Variants in CTCFL observed in about 807,000 individuals in gnomAD.
CTCFL encodes the protein CCCTC-binding factor like.
CTCFL carries 36 observed loss-of-function variants against 67.4 expected under a neutral mutation model. The ratio of observed to expected loss-of-function variants is 0.53; its 90% confidence interval spans 0.41 to 0.71. The LOEUF (loss-of-function observed/expected upper bound fraction) is 0.71, where lower values mean the gene tolerates loss of function less well. Ranked by LOEUF, CTCFL falls within the 30% of genes least tolerant of loss-of-function variation. The pLI, the probability that CTCFL is intolerant of heterozygous loss-of-function variation, is 0.00. For missense variants in CTCFL, 786 were observed against 835.2 expected (o/e 0.94, Z 0.73); for synonymous variants, 324 against 302.3 (o/e 1.07, Z -0.75).
At position 57,524,221 on chromosome 20, in the gene CTCFL, T is replaced by A. The variant is rs1481040696; in HGVS notation, c.-11-5A>T. ...TGGCTGCCATAATGACTTGGCCTGTTTGAAAAATAAGCAAGCGGTTTCCAT... is the reference window on the plus strand; with the variant it reads ...TGGCTGCCATAATGACTTGGCCTGTATGAAAAATAAGCAAGCGGTTTCCAT... On this transcript the variant is annotated splice_polypyrimidine_tract_variant and splice_region_variant and intron_variant, in intron 1 of 10. Coordinates refer to ENST00000243914, the MANE Select transcript of CTCFL (RefSeq NM_001386993.1). 2.1e-5 allele frequency: 34 copies of A among 1,603,044 alleles called. No homozygotes were observed. Among genetic ancestry groups the A allele is most frequent in the Non-Finnish European group, 2.9e-5 (34 of 1,175,386 alleles).
intron 5 of CTCFL, among the ~76,000 whole-genome samples, chr20:57,517,267 A>ACCAACAAAAAGTCCACTCCAGGCTTAGG (rs1284520304): frequency 6.6e-6 from 1 of 151,920 alleles, no homozygotes; most frequent in Admixed American, 6.6e-5. Flanking sequence ...ATGGGAGGAC[A>ACCAACAAAAAGTCCACTCCAGGCTTAGG]ATGGGAGTTC....
chr20:57,519,102 T>C (rs1232872431), intron 4 of CTCFL, 105 bp downstream of exon 4: 9 of 1,306,824 alleles, frequency 6.9e-6, no homozygotes, highest in African/African-American at 3.0e-5. Context: ...AAAACTAAAG[T>C]ATAAAATGTT....
At position 57,524,100 on chromosome 20, in the gene CTCFL, A is replaced by C. The variant is rs748979103; in HGVS notation, c.106T>G (p.Cys36Gly). 6.2e-7 allele frequency: 1 copy of C among 1,613,654 alleles called. No homozygotes were observed. The highest frequency in any genetic ancestry group is 1.7e-5 in the Admixed American group (1 of 60,014). Reference protein sequence around the residue: ...GLKEEEKDGVCREKDHRSPSE... With the variant: ...GLKEEEKDGVGREKDHRSPSE... ...GGGCTCCGATGGTCTTTCTCTCTGC[A>C]CACTCCGTCTTTTTCCTCCTCCTTC... is the stretch of plus-strand genomic sequence containing the variant. The change falls in exon 2 of 11, where the codon TGC becomes GGC. Residue 36 changes from cysteine (C) to glycine (G), a missense_variant. Cys to Gly is a radical substitution (Grantham distance 159, BLOSUM62 -3). Transcript: ENST00000243914.
chr20:57,516,849 C>A (rs137990247), intron 5 of CTCFL, among the ~76,000 whole-genome samples: 285 of 152,364 alleles, frequency 1.9e-3, no homozygotes, highest in African/African-American at 6.6e-3. Context: ...TCGTTGATTG[C>A]CTTCTAGAAC....
At chr20:57,524,470 C>CT (rs2069695598) in intron 1 of CTCFL, 1 of 1,298,518 alleles carries the variant, frequency 7.7e-7, no homozygotes. Flanking sequence ...CCTCAGCAGG[C>CT]TTAGGGCCAG....
chr20:57,512,813 C>T (rs2068651559), intron 7 of CTCFL, 61 bp from the exon 8 acceptor site: 2 of 1,534,660 alleles, frequency 1.3e-6, no homozygotes, highest in Admixed American at 3.5e-5. Context: ...GCCTGCTTCC[C>T]CTCTCCTCTA....
chr20:57,513,128 C>T (rs1250593884), intron 7 of CTCFL: 2 of 416,570 alleles, frequency 4.8e-6, no homozygotes, highest in African/African-American at 4.3e-5. Flanking sequence ...CACACTGGAC[C>T]TAAAATGTTC....
Position 57,519,198 on chromosome 20 carries a change from C to G in CTCFL, c.925+9G>C. 12 of 1,612,734 alleles carry G rather than the reference C, an allele frequency of 7.4e-6. No homozygotes were observed. The highest frequency in any genetic ancestry group is 1.0e-5 in the Non-Finnish European group (12 of 1,178,996). ...CATTCCAGAGAAACAGCCTTCCCGGCAGTTTTACCTGTGTGGGTGTTAACA... is the reference window on the plus strand; with the variant it reads ...CATTCCAGAGAAACAGCCTTCCCGGGAGTTTTACCTGTGTGGGTGTTAACA... On this transcript the variant is annotated intron_variant, in intron 4 of 10. Coordinates refer to ENST00000243914, the MANE Select transcript of CTCFL (RefSeq NM_001386993.1).
At chr20:57,508,560 G>A (rs1169247602) in intron 9 of CTCFL, 46 bp downstream of exon 9, 2 of 1,579,088 alleles carry the variant, frequency 1.3e-6, no homozygotes, top group African/African-American at 2.7e-5. Context: ...TCCTGAGATA[G>A]AGGGATCTTT....
rs766590924 is a variant in CTCFL, at chr20:57,514,577, C to T, written c.1330+15G>A. ...GCAAATGCTGTAGTAAAAGAAAGAT[C>T]GCTAAACCACTCACGTAGGTCGCTT... is the stretch of plus-strand genomic sequence containing the variant. On this transcript the variant is annotated intron_variant, in intron 7 of 10. Coordinates refer to ENST00000243914, the MANE Select transcript of CTCFL (RefSeq NM_001386993.1). 11 of 1,613,306 alleles carry T rather than the reference C, an allele frequency of 6.8e-6. No homozygotes were observed. In the Admixed American group the frequency reaches 1.2e-4, roughly 17 times the overall value.
In CTCFL at chr20:57,497,733, A is replaced by C; in HGVS notation, c.*817T>G. Reference sequence around the variant, plus strand: ...TCTCACTCTGCCAATTATTTTACAAATATAAAAAGAGTAGTTTTAGCAGAA... The same window carrying C: ...TCTCACTCTGCCAATTATTTTACAACTATAAAAAGAGTAGTTTTAGCAGAA... On this transcript the variant is annotated 3_prime_UTR_variant, in exon 11 of 11. Coordinates refer to ENST00000243914, the MANE Select transcript of CTCFL (RefSeq NM_001386993.1). 1.0e-6 allele frequency: 1 copy of C among 984,840 alleles called. No homozygotes were observed. The highest frequency in any genetic ancestry group is 5.2e-4 in the Middle Eastern group (1 of 1,912). The allele number at this position is 984,840 out of a possible 1,614,324, so 61.0% of individuals were successfully genotyped here.
chr20:57,509,426 G>C (rs2068415834), intron 8 of CTCFL, among the ~76,000 whole-genome samples: 1 of 151,704 alleles, frequency 6.6e-6, no homozygotes, highest in African/African-American at 2.4e-5. Context: ...ACTATGCTCG[G>C]CTCAGTTTGT....
chr20:57,505,645 C>T (rs2068167369), intron 9 of CTCFL, among the ~76,000 whole-genome samples: 1 of 152,198 alleles, frequency 6.6e-6, no homozygotes, highest in African/African-American at 2.4e-5. Flanking sequence ...ATTTCATAAC[C>T]ATCAACTACA....
Position 57,497,646 on chromosome 20 carries a change from C to T in CTCFL, c.*904G>A, listed in dbSNP as rs1039068769. On this transcript the variant is annotated 3_prime_UTR_variant, in exon 11 of 11. Transcript: ENST00000243914. Reference sequence around the variant, plus strand: ...AGGGAAATACTCACTAATCACTGGGCATTATGAAAAAGTACAAATTCCTTA... The same window carrying T: ...AGGGAAATACTCACTAATCACTGGGTATTATGAAAAAGTACAAATTCCTTA... The T allele has an allele frequency of 2.0e-6, 2 of 985,252 alleles. No individual in the cohort carries two copies. Among genetic ancestry groups the T allele is most frequent in the African/African-American group, 3.5e-5 (2 of 57,222 alleles). 61.0% of individuals were successfully genotyped at this position (985,252 alleles called of 1,614,324 possible).
At position 57,524,134 on chromosome 20, in the gene CTCFL, T is replaced by C; in HGVS notation, c.72A>G (p.Glu24=). 1 of 1,613,600 alleles carries C rather than the reference T, an allele frequency of 6.2e-7. No individual in the cohort carries two copies. Among genetic ancestry groups the C allele is most frequent in the Non-Finnish European group, 8.5e-7 (1 of 1,179,970 alleles). Residue 24 remains glutamate (E), a synonymous_variant, in exon 2 of 11, where the codon GAA becomes GAG. Transcript: ENST00000243914. ...TKIKELELMP[E]KGLKEEEKDG... Reference sequence around the variant, plus strand: ...CTTTTTCCTCCTCCTTCAGGCCTTTTTCCGGCATCAACTCGAGTTCTTTGA... The same window carrying C: ...CTTTTTCCTCCTCCTTCAGGCCTTTCTCCGGCATCAACTCGAGTTCTTTGA...
intron 8 of CTCFL, among the ~76,000 whole-genome samples, chr20:57,510,306 C>G (rs1332689139): frequency 2.0e-5 from 3 of 152,144 alleles, no homozygotes; most frequent in Admixed American, 6.5e-5. Flanking sequence ...TCTTAGAAAG[C>G]AAACCTGGGG....
Position 57,514,582 on chromosome 20 carries a change from A to C in CTCFL, c.1330+10T>G. On this transcript the variant is annotated intron_variant, in intron 7 of 10. Transcript: ENST00000243914. The stretch of plus-strand genomic sequence containing the variant: ...TGCTGTAGTAAAAGAAAGATCGCTA[A>C]ACCACTCACGTAGGTCGCTTTTCCG... The C allele has an allele frequency of 6.2e-7, 1 of 1,613,928 alleles. No individual in the cohort carries two copies. The highest frequency in any genetic ancestry group is 1.7e-4 in the Middle Eastern group (1 of 6,060).
At chr20:57,515,504 C>T (rs1392264390) in intron 6 of CTCFL, 1 of 578,890 alleles carries the variant, frequency 1.7e-6, no homozygotes, top group East Asian at 3.1e-5. Context: ...TGTTTTACTC[C>T]ACACAGTGGG....
At chr20:57,496,325 G>C (rs2067724273), downstream of CTCFL, 1 of 684,636 alleles carries the variant, frequency 1.5e-6, no homozygotes, top group East Asian at 2.7e-5. Context: ...CCAGAAGCCA[G>C]GCAGATACCA....
Sources: gnomAD v4.1 joint callset for allele counts (sites outside exome capture counted in the v4.1 genomes callset) on GRCh38, gnomAD v4.1.1 for gene constraint, MANE v1.5 for transcripts, NCBI Gene and HGNC (gene_info 2026-07-23, HGNC 2026-07-21) for gene names.